ALX3: variants seen among roughly 807,000 people sequenced by gnomAD.
The protein encoded by ALX3 is ALX homeobox 3, also known as homeobox protein aristaless-like 3.
A neutral mutation model predicts 26.3 loss-of-function variants in ALX3; 17 were observed. That is an observed-to-expected ratio of 0.65 (90% CI 0.44 to 0.97). The LOEUF is 0.97. Ranked by LOEUF, ALX3 falls within the 50% of genes least tolerant of loss-of-function variation. The pLI, the probability that ALX3 is intolerant of heterozygous loss-of-function variation, is 0.00. For synonymous variants in ALX3, 208 were observed against 201.4 expected (o/e 1.03, Z -0.28); for missense variants, 461 against 466.5 (o/e 0.99, Z 0.11).
intron 3 of ALX3, 82 bp from the exon 4 acceptor site, chr1:110,061,123 T>C: frequency 1.3e-6 from 2 of 1,496,672 alleles, no homozygotes; most frequent in Non-Finnish European, 1.8e-6. Context: ...TCTTTGTCCT[T>C]GGGGCCCCAG....
At chr1:110,061,659 T>C (rs1206416795) in intron 2 of ALX3, 96 bp from the exon 3 acceptor site, 3 of 1,544,896 alleles carry the variant, frequency 1.9e-6, no homozygotes, top group South Asian at 2.3e-5. Context: ...TCTTGTGGGA[T>C]GGGGAGCAGG....
chr1:110,069,008 G>T (rs988758039), intron 1 of ALX3, among the ~76,000 whole-genome samples: 14 of 152,184 alleles, frequency 9.2e-5, no homozygotes, highest in Non-Finnish European at 2.1e-4. Flanking sequence ...GGCCTGGGGG[G>T]GTGGCTCCTG....
In ALX3 at chr1:110,061,027, C is replaced by A; in HGVS notation, c.738G>T (p.Leu246=). 1 of 1,609,030 alleles carries A rather than the reference C, an allele frequency of 6.2e-7. No homozygotes were observed. Among genetic ancestry groups the A allele is most frequent in the Non-Finnish European group, 8.5e-7 (1 of 1,178,412 alleles). ...GGCTCCCAGATCCTGGACTGGCCCA[C>A]AGGGAGTTCTGCAGCTGAAAAGAGA... is the stretch of plus-strand genomic sequence containing the variant. The part of the protein sequence containing the change: ...TDSHPQLQNS[L]WASPGSGSPG... Residue 246 remains leucine (L), a synonymous_variant, in exon 4 of 4, where the codon CTG becomes CTT. Transcript: ENST00000647563.
Position 110,060,926 on chromosome 1 carries a change from C to T in ALX3, c.839G>A (p.Ser280Asn). The T allele has an allele frequency of 6.2e-7, 1 of 1,613,440 alleles. No homozygotes were observed. Among genetic ancestry groups the T allele is most frequent in the Non-Finnish European group, 8.5e-7 (1 of 1,179,808 alleles). Residue 280 changes from serine to asparagine, a missense_variant, in exon 4 of 4, where the codon AGT (serine) becomes AAT (asparagine). Physicochemically the swap from Ser to Asn is conservative, Grantham distance 46. Around this residue, in one of 3 missense-constraint regions of ALX3, gnomAD observed 169 missense variants for 178.0 expected, o/e 0.95. Coordinates refer to ENST00000647563, the MANE Select transcript of ALX3 (RefSeq NM_006492.3). The part of the protein sequence containing the change: ...CMSPYSHPHG[S>N]VAGFMGVPAP... Reference sequence around the variant, plus strand: ...TGGCACCCCCATGAAGCCAGCCACACTCCCATGGGGGTGGGAATATGGAGA... The same window carrying T: ...TGGCACCCCCATGAAGCCAGCCACATTCCCATGGGGGTGGGAATATGGAGA...
chr1:110,059,984 ATC>A lies in ALX3; in HGVS notation c.*747_*748del, dbSNP rs1653589148. On this transcript the variant is annotated 3_prime_UTR_variant, in exon 4 of 4. Coordinates refer to ENST00000647563, the MANE Select transcript of ALX3 (RefSeq NM_006492.3). Reference sequence around the variant, plus strand: ...CAAAAGTGTCTGTACAAAAATGGGGATCAGGATCTCAGTCTGTAGAAATCTGT... The same window carrying A: ...CAAAAGTGTCTGTACAAAAATGGGGAAGGATCTCAGTCTGTAGAAATCTGT... 2 of 149,562 alleles carry A rather than the reference ATC, an allele frequency of 1.3e-5. No individual in the cohort carries two copies. The highest frequency in any genetic ancestry group is 4.2e-4 in the South Asian group (2 of 4,732). 9.3% of individuals were successfully genotyped at this position (149,562 alleles called of 1,614,324 possible). A position where few individuals can be genotyped will look rare whatever the true frequency, so the allele number is the denominator to read the frequency against.
rs771441063 is a variant in ALX3 at position 110,070,330 on chromosome 1, C to A, written c.277+6G>T. 1 of 1,291,384 alleles carries A rather than the reference C, an allele frequency of 7.7e-7. No homozygotes were observed. The allele number at this position is 1,291,384 out of a possible 1,614,324, so 80.0% of individuals were successfully genotyped here. A position where few individuals can be genotyped will look rare whatever the true frequency, so the allele number is the denominator to read the frequency against. On this transcript the variant is annotated splice_donor_region_variant and intron_variant, in intron 1 of 3. Transcript: ENST00000647563. ...GCTGCGCGCTACGCCCCGCGCCGCG[C>A]GTTACCTTCCGCGGGGCCCTCGTAG...
intron 1 of ALX3, among the ~76,000 whole-genome samples, chr1:110,069,427 C>G (rs1219111876): frequency 6.6e-6 from 1 of 152,210 alleles, no homozygotes; most frequent in African/African-American, 2.4e-5. Context: ...GAAGCCGAGA[C>G]GCCTTACAGG....
intron 2 of ALX3, among the ~76,000 whole-genome samples, chr1:110,063,171 G>A (rs1024446824): frequency 1.4e-4 from 22 of 152,190 alleles, no homozygotes; most frequent in Non-Finnish European, 2.4e-4. Flanking sequence ...GCCTAGGAGA[G>A]GAGCAGAGGA....
At chr1:110,061,640 G>T in intron 2 of ALX3, 77 bp from the exon 3 acceptor site, 1 of 1,589,578 alleles carries the variant, frequency 6.3e-7, no homozygotes, top group South Asian at 1.1e-5. Context: ...AGAGCTGATG[G>T]TTGTGTCCTC....
intron 2 of ALX3, among the ~76,000 whole-genome samples, chr1:110,062,982 C>A (rs933792372): frequency 6.6e-6 from 1 of 152,186 alleles, no homozygotes; most frequent in South Asian, 2.1e-4. Flanking sequence ...TCTGGACCTG[C>A]CCTCTGCATT....
At chr1:110,061,811 C>T (rs2101795017) in intron 2 of ALX3, 2 of 570,296 alleles carry the variant, frequency 3.5e-6, no homozygotes, top group East Asian at 3.1e-5. Flanking sequence ...GGTTGAATCA[C>T]TGTGGTCCTC....
chr1:110,064,451 G>C (rs1004736886), intron 2 of ALX3, 136 bp downstream of exon 2: 3 of 1,076,604 alleles, frequency 2.8e-6, no homozygotes, highest in Non-Finnish European at 4.1e-6. Flanking sequence ...GCCCAGGAGG[G>C]GAAGGCTGGT....
intron 2 of ALX3, among the ~76,000 whole-genome samples, chr1:110,064,312 G>A (rs1653725492): frequency 6.6e-6 from 1 of 152,202 alleles, no homozygotes; most frequent in Non-Finnish European, 1.5e-5. Flanking sequence ...ATCACCTCCA[G>A]TAAGTGGTAG....
Position 110,070,624 on chromosome 1 carries a change from G to C in ALX3, c.-12C>G, listed in dbSNP as rs1653897555. ...TGCTCGGGGTCCATGCCGGCTCAGG[G>C]CGCACAGGCCTCCGGGGCTCCGGGG... On this transcript the variant is annotated 5_prime_UTR_variant, in exon 1 of 4. Coordinates refer to ENST00000647563, the MANE Select transcript of ALX3 (RefSeq NM_006492.3). 2 of 1,223,520 alleles carry C rather than the reference G, an allele frequency of 1.6e-6. No homozygotes were observed. Among genetic ancestry groups the C allele is most frequent in the Non-Finnish European group, 2.0e-6 (2 of 982,430 alleles). The allele number at this position is 1,223,520 out of a possible 1,614,324, so 75.8% of individuals were successfully genotyped here.
At position 110,064,918 on chromosome 1, in the gene ALX3, A is replaced by G. The variant is rs1570938284; in HGVS notation, c.278-15T>C. The G allele has an allele frequency of 1.3e-6, 2 of 1,590,322 alleles. No homozygotes were observed. The highest frequency in any genetic ancestry group is 1.4e-5 in the African/African-American group (1 of 74,066). On this transcript the variant is annotated splice_polypyrimidine_tract_variant and intron_variant, in intron 1 of 3. Transcript: ENST00000647563. Reference sequence around the variant, plus strand: ...CTTCTCCTCAGCTGCAATGGAGAACACAAAAGGGAGGATGGCAACTGAACC... The same window carrying G: ...CTTCTCCTCAGCTGCAATGGAGAACGCAAAAGGGAGGATGGCAACTGAACC...
intron 2 of ALX3, 137 bp from the exon 3 acceptor site, chr1:110,061,700 C>T: frequency 7.4e-7 from 1 of 1,343,380 alleles, no homozygotes; most frequent in Non-Finnish European, 1.0e-6. Flanking sequence ...ACTGTTAATC[C>T]ACACTGTTCT....
chr1:110,070,470 A>AGCCGCGG lies in ALX3; in HGVS notation c.136_142dup (p.Leu48ProfsTer49). On this transcript the variant is annotated frameshift_variant, in exon 1 of 4. Transcript: ENST00000647563. LOFTEE classifies it high-confidence loss of function. ...GGGCCCGCAGGCCGGAAAGCGGGTC[A>AGCCGCGG]GCCGCGGGCCGCGGGGCGGCGCGGG... 8.0e-7 allele frequency: 1 copy of AGCCGCGG among 1,257,164 alleles called. No individual in the cohort carries two copies. Among genetic ancestry groups the AGCCGCGG allele is most frequent in the Non-Finnish European group, 1.0e-6 (1 of 1,001,352 alleles). 77.9% of individuals were successfully genotyped at this position (1,257,164 alleles called of 1,614,324 possible). A position where few individuals can be genotyped will look rare whatever the true frequency, so the allele number is the denominator to read the frequency against.
At chr1:110,061,114 CTT>C (rs1653630218) in intron 3 of ALX3, 73 bp from the exon 4 acceptor site, 1 of 1,526,042 alleles carries the variant, frequency 6.6e-7, no homozygotes, top group Non-Finnish European at 8.9e-7. Flanking sequence ...GGGGCTTTCT[CTT>C]TGTCCTTGGG....
intron 2 of ALX3, chr1:110,062,643 G>GCGCGCGCGCGCGCGCGCGCGCGC (rs1557802205): frequency 1.0e-3 from 2 of 1,980 alleles, no homozygotes; most frequent in African/African-American, 6.6e-3. Flanking sequence ...GTGTGTGTGT[G>GCGCGCGCGCGCGCGCGCGCGCGC]TGGAGTAATC....
Sources: gnomAD v4.1 joint callset for allele counts (sites outside exome capture counted in the v4.1 genomes callset) on GRCh38, gnomAD v4.1.1 for gene constraint, gnomAD v4.1.1 regional missense constraint, MANE v1.5 for transcripts, NCBI Gene and HGNC (gene_info 2026-07-23, HGNC 2026-07-21) for gene names.